UBE2O: variants seen among roughly 807,000 people sequenced by gnomAD.
The protein encoded by UBE2O is (E3-independent) E2 ubiquitin-conjugating enzyme.
A neutral mutation model predicts 125.8 loss-of-function variants in UBE2O; 15 were observed. The observed-to-expected ratio is 0.12, with a 90% CI of 0.08 to 0.18. UBE2O has a LOEUF of 0.18. UBE2O is among the 10% of genes least tolerant of loss of function. UBE2O has a pLI of 1.00. For synonymous variants in UBE2O, 708 were observed against 703.2 expected (o/e 1.01, Z -0.11); for missense variants, 1,280 against 1,723.6 (o/e 0.74, Z 4.56).
intron 1 of UBE2O, among the ~76,000 whole-genome samples, chr17:76,429,689 ACTGGCAATGGCAGGT>A (rs1236466469): frequency 6.6e-6 from 1 of 152,178 alleles, no homozygotes; most frequent in Non-Finnish European, 1.5e-5. Flanking sequence ...GCCACTACAT[ACTGGCAATGGCAGGT>A]CTTGTTGCTG....
At chr17:76,436,936 AG>A (rs2073005851) in intron 1 of UBE2O, among the ~76,000 whole-genome samples, 1 of 152,184 alleles carries the variant, frequency 6.6e-6, no homozygotes, top group Non-Finnish European at 1.5e-5. Context: ...GTTCCAGACC[AG>A]CCTGGCCAAC....
chr17:76,408,783 A>G (rs975134198), intron 1 of UBE2O, among the ~76,000 whole-genome samples: 1 of 152,126 alleles, frequency 6.6e-6, no homozygotes, highest in African/African-American at 2.4e-5. Flanking sequence ...AAAGCACCAG[A>G]TTTGTGAACA....
rs202144250 is a variant in UBE2O, at chr17:76,401,204, G to C, written c.751-50C>G. On this transcript the variant is annotated intron_variant, in intron 5 of 17. Transcript: ENST00000319380. ...AGTCCCCGTGAGCGGTGTCTCCATG[G>C]GTGACCATGCTCTCCACGCCTGTGC... 314 of 1,600,700 alleles carry C rather than the reference G, an allele frequency of 2.0e-4. 2 individuals carry two copies. The Admixed American group carries it at 5.2e-3, about 27-fold the overall frequency.
chr17:76,423,896 C>CTTTTTTTTT (rs746126675), intron 1 of UBE2O, among the ~76,000 whole-genome samples: 12 of 83,508 alleles, frequency 1.4e-4, no homozygotes, highest in African/African-American at 3.9e-4. Flanking sequence ...AGGTTGGGTT[C>CTTTTTTTTT]TTTTTTTTTT....
rs435892 is a variant in UBE2O, at chr17:76,402,424, A to T, written c.686+178T>A. 0.88 allele frequency among the ~76,000 whole-genome samples: 134,051 copies of T among 152,098 alleles called. 59,209 individuals are homozygous for T. The highest frequency in any genetic ancestry group is 1 in the East Asian group (5,157 of 5,162). On this transcript the variant is annotated intron_variant, in intron 4 of 17. Coordinates refer to ENST00000319380, the MANE Select transcript of UBE2O (RefSeq NM_022066.4). This position sits in a 1 kb window ranked among gnomAD's most constrained non-coding sequence, Gnocchi z 5.4. Reference sequence around the variant, plus strand: ...ACAGATCAGAAACTGAGCAACAGAAATAGGCCACGGCAGATAAGGAGAACG... The same window carrying T: ...ACAGATCAGAAACTGAGCAACAGAATTAGGCCACGGCAGATAAGGAGAACG...
intron 1 of UBE2O, among the ~76,000 whole-genome samples, chr17:76,406,256 C>T (rs1189902898): frequency 6.6e-6 from 1 of 152,234 alleles, no homozygotes; most frequent in African/African-American, 2.4e-5. Flanking sequence ...GCTGCTCCAT[C>T]GCCCAAAAGC....
chr17:76,428,797 A>G (rs952331017), intron 1 of UBE2O, among the ~76,000 whole-genome samples: 1 of 152,172 alleles, frequency 6.6e-6, no homozygotes, highest in African/African-American at 2.4e-5. Context: ...CTGTATGCAC[A>G]TATTGTGTAC....
Position 76,396,237 on chromosome 17 carries a change from A to G in UBE2O, c.2700T>C (p.Ala900=), listed in dbSNP as rs1292378616. 6.2e-7 allele frequency: 1 copy of G among 1,614,210 alleles called. No individual in the cohort carries two copies. The highest frequency in any genetic ancestry group is 8.5e-7 in the Non-Finnish European group (1 of 1,180,042). Residue 900 remains alanine, a synonymous_variant, in exon 14 of 18, where the codon GCT becomes GCC. Coordinates refer to ENST00000319380, the MANE Select transcript of UBE2O (RefSeq NM_022066.4). This position sits in a 1 kb window ranked among gnomAD's most constrained non-coding sequence, Gnocchi z 6.7. ...GCACCGGGGTTTCGCTGGGCCACTC[A>G]GCCTTCACAGGTGACTGCCCCTCGG... ...DKPEGQSPVK[A]EWPSETPVLC...
Position 76,398,313 on chromosome 17 carries a change from G to C in UBE2O, c.1967C>G (p.Thr656Ser). Reference protein sequence around the residue: ...ADHPDFRFRTTDIVIRIGNTE... With the variant: ...ADHPDFRFRTSDIVIRIGNTE... ...ATTGCCGATGCGGATGACGATGTCA[G>C]TTGTACGGAACCTAAAGTCAGGGTG... Residue 656 changes from threonine to serine, a missense_variant, in exon 12 of 18, where the codon ACT becomes AGT. Transcript: ENST00000319380. This position sits in a 1 kb window ranked among gnomAD's most constrained non-coding sequence, Gnocchi z 5.4. 1.2e-6 allele frequency: 2 copies of C among 1,614,212 alleles called. No individual in the cohort carries two copies. Among genetic ancestry groups the C allele is most frequent in the Non-Finnish European group, 1.7e-6 (2 of 1,180,030 alleles).
In UBE2O at chr17:76,452,342, T is replaced by A. The variant is rs2073263409; in HGVS notation, c.417+383A>T. ...ACGGCCTTCATTTCTGGATGCACAA[T>A]GCAGTACCGAGCTCCTTGGGGGTCA... is the stretch of plus-strand genomic sequence containing the variant. On this transcript the variant is annotated intron_variant, in intron 1 of 17. Transcript: ENST00000319380. This position sits in a 1 kb window ranked among gnomAD's most constrained non-coding sequence, Gnocchi z 4.4. Among the ~76,000 whole-genome samples, 1 of 152,190 alleles carries A rather than the reference T, an allele frequency of 6.6e-6. No individual in the cohort carries two copies. Among genetic ancestry groups the A allele is most frequent in the Admixed American group, 6.5e-5 (1 of 15,296 alleles).
At chr17:76,434,150 C>T (rs993061613) in intron 1 of UBE2O, among the ~76,000 whole-genome samples, 8 of 152,128 alleles carry the variant, frequency 5.3e-5, no homozygotes, top group African/African-American at 1.7e-4. Context: ...CTCTCTGGGC[C>T]TGACTATAAA....
At chr17:76,408,802 C>A (rs557361383) in intron 1 of UBE2O, among the ~76,000 whole-genome samples, 1 of 152,184 alleles carries the variant, frequency 6.6e-6, no homozygotes, top group East Asian at 1.9e-4. Context: ...CAAAACTAAA[C>A]CTTGGAATAA....
chr17:76,426,031 C>T (rs980529812), intron 1 of UBE2O, among the ~76,000 whole-genome samples: 54 of 152,180 alleles, frequency 3.5e-4, no homozygotes, highest in Non-Finnish European at 6.6e-4. Context: ...AAAGGAGGGT[C>T]TCACTCTGTC....
In UBE2O at chr17:76,399,352, GGT is replaced by G; in HGVS notation, c.1628+95_1628+96del. 2 of 1,228,942 alleles carry G rather than the reference GGT, an allele frequency of 1.6e-6. No individual in the cohort carries two copies. The highest frequency in any genetic ancestry group is 2.7e-5 in the South Asian group (2 of 72,862). 76.1% of individuals were successfully genotyped at this position (1,228,942 alleles called of 1,614,324 possible). A position where few individuals can be genotyped will look rare whatever the true frequency, so the allele number is the denominator to read the frequency against. ...CCGGAGCCACTACAAGGCATGCAGAGGTGTGTGTGCGAGCGCAGGCACGCACA... is the reference window on the plus strand; with the variant it reads ...CCGGAGCCACTACAAGGCATGCAGAGGTGTGTGCGAGCGCAGGCACGCACA... On this transcript the variant is annotated intron_variant, in intron 9 of 17. Transcript: ENST00000319380. The surrounding 1 kb of genome is among the most constrained non-coding windows in gnomAD (Gnocchi z 6.9).
rs148184667 is a variant in UBE2O at position 76,391,988 on chromosome 17, T to C, written c.3072A>G (p.Gln1024=). The change falls in exon 16 of 18, where the codon CAA becomes CAG. Residue 1024 remains glutamine, a synonymous_variant. Coordinates refer to ENST00000319380, the MANE Select transcript of UBE2O (RefSeq NM_022066.4). This position sits in a 1 kb window ranked among gnomAD's most constrained non-coding sequence, Gnocchi z 8.4. Reference sequence around the variant, plus strand: ...GGTTGGGGTTCAGGCGGCCACTGCATTGGGAGAGGTAGCAGAAGTGGGGGG... The same window carrying C: ...GGTTGGGGTTCAGGCGGCCACTGCACTGGGAGAGGTAGCAGAAGTGGGGGG... ...AVPPHFCYLS[Q]CSGRLNPNLY... 2.3e-5 allele frequency: 37 copies of C among 1,602,192 alleles called. No homozygotes were observed. The African/African-American group carries it at 4.4e-4, about 19-fold the overall frequency.
chr17:76,437,609 C>G (rs1317688479), intron 1 of UBE2O, among the ~76,000 whole-genome samples: 3 of 152,124 alleles, frequency 2.0e-5, no homozygotes, highest in Admixed American at 2.0e-4. Flanking sequence ...GAGATGCAGT[C>G]TCACCACAAT....
intron 1 of UBE2O, among the ~76,000 whole-genome samples, chr17:76,438,686 AT>A (rs1348015560): frequency 6.6e-6 from 1 of 152,186 alleles, no homozygotes; most frequent in Non-Finnish European, 1.5e-5. Context: ...CAAATTGAAC[AT>A]CATTAAAATT....
chr17:76,429,565 G>C (rs971390406), intron 1 of UBE2O, among the ~76,000 whole-genome samples: 58 of 114,376 alleles, frequency 5.1e-4, no homozygotes, highest in African/African-American at 1.7e-3. Context: ...AAAAAAAAAA[G>C]TTAAAAAAGT....
chr17:76,423,386 A>C (rs2143813273), intron 1 of UBE2O, among the ~76,000 whole-genome samples: 1 of 151,946 alleles, frequency 6.6e-6, no homozygotes, highest in East Asian at 1.9e-4. Context: ...TCTCTAAAAA[A>C]TAAATACAGT....
Sources: gnomAD v4.1 joint callset for allele counts (sites outside exome capture counted in the v4.1 genomes callset) on GRCh38, gnomAD v4.1.1 for gene constraint, Gnocchi (gnomAD v3.1) non-coding constraint, MANE v1.5 for transcripts, NCBI Gene and HGNC (gene_info 2026-07-23, HGNC 2026-07-21) for gene names.